Variants in ARSB observed in about 807,000 individuals in gnomAD.
ARSB encodes the protein N-acetylgalactosamine-4-sulfatase.
A neutral mutation model predicts 50.9 loss-of-function variants in ARSB; 41 were observed. The ratio of observed to expected loss-of-function variants is 0.81; its 90% CI spans 0.63 to 1.04. The LOEUF is 1.04. ARSB is among the 50% of genes least tolerant of loss of function. The probability of loss-of-function intolerance (pLI) is 0.00; values close to 1 mark genes in which losing one functional copy is unlikely to be tolerated. For missense variants in ARSB, 672 were observed against 693.3 expected, an observed-to-expected ratio of 0.97 and a Z score of 0.35; for synonymous variants, 269 against 284.8, an observed-to-expected ratio of 0.94 and a Z score of 0.56.
intron 5 of ARSB, among the ~76,000 whole-genome samples, chr5:78,881,807 C>T (rs977701848): frequency 2.0e-4 from 31 of 152,160 alleles, no homozygotes; most frequent in African/African-American, 7.2e-4. Context: ...CTTGGCCCTC[C>T]GCAAGTTCAC....
chr5:78,977,361 C>G (rs539671626), intron 1 of ARSB, among the ~76,000 whole-genome samples: 1 of 152,126 alleles, frequency 6.6e-6, no homozygotes, highest in African/African-American at 2.4e-5. Context: ...ACCATGTTGG[C>G]CAGGCTGGTC....
intron 4 of ARSB, among the ~76,000 whole-genome samples, chr5:78,901,302 G>A (rs1748794909): frequency 6.6e-6 from 1 of 152,138 alleles, no homozygotes; most frequent in Admixed American, 6.5e-5. Flanking sequence ...TTGGAGGCAG[G>A]AGGGAGACGG....
intron 6 of ARSB, among the ~76,000 whole-genome samples, chr5:78,838,587 T>C (rs949979628): frequency 1.3e-5 from 2 of 152,150 alleles, no homozygotes; most frequent in African/African-American, 4.8e-5. Flanking sequence ...AAGGAGCGGA[T>C]GGGAGCCCCC....
At chr5:78,845,232 A>T (rs532160905) in intron 5 of ARSB, among the ~76,000 whole-genome samples, 9 of 152,286 alleles carry the variant, frequency 5.9e-5, no homozygotes, top group African/African-American at 2.2e-4. Flanking sequence ...TTATGGCTAA[A>T]GAGTATTCCA....
At chr5:78,882,493 T>C (rs535833685) in intron 5 of ARSB, among the ~76,000 whole-genome samples, 1 of 152,184 alleles carries the variant, frequency 6.6e-6, no homozygotes, top group Non-Finnish European at 1.5e-5. Flanking sequence ...GTCCAAAATG[T>C]AGACAAACAG....
chr5:78,834,603 ATG>A (rs1346286608), intron 6 of ARSB, among the ~76,000 whole-genome samples: 2 of 83,466 alleles, frequency 2.4e-5, no homozygotes. Context: ...TGGTATATAT[ATG>A]TGTATATATA....
chr5:78,811,674 T>C (rs1391945598), intron 6 of ARSB, among the ~76,000 whole-genome samples: 2 of 152,226 alleles, frequency 1.3e-5, no homozygotes, highest in Admixed American at 1.3e-4. Context: ...ACTGCAGCCA[T>C]TCTGGCATGA....
chr5:78,785,789 A>G (rs1485615285), intron 6 of ARSB, among the ~76,000 whole-genome samples: 2 of 152,170 alleles, frequency 1.3e-5, no homozygotes, highest in Admixed American at 1.3e-4. Context: ...TATAGGTAAG[A>G]CCTGTAAGAT....
At chr5:78,849,010 A>T (rs2112031941) in intron 5 of ARSB, among the ~76,000 whole-genome samples, 1 of 152,070 alleles carries the variant, frequency 6.6e-6, no homozygotes, top group African/African-American at 2.4e-5. Flanking sequence ...TCCCATTCTG[A>T]AGGTTGCCTG....
At chr5:78,934,428 G>A (rs971306938) in intron 4 of ARSB, among the ~76,000 whole-genome samples, 1 of 151,894 alleles carries the variant, frequency 6.6e-6, no homozygotes, top group Non-Finnish European at 1.5e-5. Context: ...AATCATTAAT[G>A]GTTAATATTT....
At chr5:78,927,660 G>A (rs1750115191) in intron 4 of ARSB, among the ~76,000 whole-genome samples, 1 of 152,174 alleles carries the variant, frequency 6.6e-6, no homozygotes, top group Admixed American at 6.5e-5. Flanking sequence ...GCCTCTGATT[G>A]GCCTCTGATG....
intron 4 of ARSB, among the ~76,000 whole-genome samples, chr5:78,938,818 A>G (rs1374627348): frequency 3.9e-5 from 6 of 152,234 alleles, no homozygotes; most frequent in Non-Finnish European, 8.8e-5. Context: ...AGCTCAGATA[A>G]TAAGTGCTAA....
chr5:78,836,122 G>T (rs777334828), intron 6 of ARSB, among the ~76,000 whole-genome samples: 3 of 152,120 alleles, frequency 2.0e-5, no homozygotes, highest in Non-Finnish European at 2.9e-5. Context: ...AAAAGGAAAC[G>T]GGCTTGTATC....
At chr5:78,793,104 C>T (rs1385566746) in intron 6 of ARSB, among the ~76,000 whole-genome samples, 2 of 152,080 alleles carry the variant, frequency 1.3e-5, no homozygotes, top group South Asian at 2.1e-4. Flanking sequence ...CAGCTGAGCC[C>T]TGGCCTAACA....
At chr5:78,876,281 G>A (rs151336095) in intron 5 of ARSB, among the ~76,000 whole-genome samples, 1 of 152,168 alleles carries the variant, frequency 6.6e-6, no homozygotes, top group East Asian at 1.9e-4. Flanking sequence ...TGTACTGATA[G>A]ATTGAATTTA....
intron 4 of ARSB, among the ~76,000 whole-genome samples, chr5:78,895,052 C>G (rs1477357371): frequency 1.3e-5 from 2 of 152,196 alleles, no homozygotes; most frequent in African/African-American, 4.8e-5. Flanking sequence ...ACCAAACAAA[C>G]AAACAAACAA....
chr5:78,939,513 A>G (rs1580093636), intron 4 of ARSB, among the ~76,000 whole-genome samples: 2 of 151,882 alleles, frequency 1.3e-5, no homozygotes, highest in East Asian at 1.9e-4. Flanking sequence ...ATTCCCACCT[A>G]TGAGTGAGAA....
intron 5 of ARSB, among the ~76,000 whole-genome samples, chr5:78,868,121 A>T (rs1194242822): frequency 6.9e-6 from 1 of 144,438 alleles, no homozygotes; most frequent in Non-Finnish European, 1.5e-5. Context: ...AAAAAAGAAT[A>T]AAAAGAAATG....
chr5:78,782,062 G>C (rs994714299), intron 6 of ARSB, 88 bp from the exon 7 acceptor site: 28 of 1,542,734 alleles, frequency 1.8e-5, no homozygotes, highest in Non-Finnish European at 3.6e-6. Context: ...CAGAACAGTA[G>C]CTTTTATTCA....
Sources: gnomAD v4.1 joint callset for allele counts (sites outside exome capture counted in the v4.1 genomes callset) on GRCh38, gnomAD v4.1.1 for gene constraint, MANE v1.5 for transcripts, NCBI Gene and HGNC (gene_info 2026-07-23, HGNC 2026-07-21) for gene names.